The following IFT25 variants were observed in gnomAD, a reference collection of about 807,000 sequenced individuals.
The protein encoded by IFT25 is intraflagellar transport protein 25 homolog.
the IFT25 span, chr1:53,928,280 T>C: frequency 9.6e-7 from 1 of 1,040,090 alleles, no homozygotes. Flanking sequence ...AAGTCATCTT[T>C]TTTCACCAAA....
the IFT25 span, among the ~76,000 whole-genome samples, chr1:53,926,884 G>A: frequency 6.6e-6 from 1 of 151,836 alleles, no homozygotes; most frequent in Non-Finnish European, 1.5e-5. Flanking sequence ...CACCATCCCT[G>A]GCTAATTTTT....
chr1:53,935,592 T>C, the IFT25 span, among the ~76,000 whole-genome samples: 1 of 151,648 alleles, frequency 6.6e-6, no homozygotes, highest in Non-Finnish European at 1.5e-5. Flanking sequence ...AATATGTCAA[T>C]AAAGTTGTTA....
chr1:53,915,676 T>C, the IFT25 span, among the ~76,000 whole-genome samples: 1 of 152,126 alleles, frequency 6.6e-6, no homozygotes, highest in African/African-American at 2.4e-5. Context: ...GAAAGGCTTA[T>C]TGAGAAGGAA....
At chr1:53,933,573 T>A in the IFT25 span, among the ~76,000 whole-genome samples, 1 of 152,224 alleles carries the variant, frequency 6.6e-6, no homozygotes, top group African/African-American at 2.4e-5. Flanking sequence ...GTAGGATGCA[T>A]CTTCTTTCAT....
the IFT25 span, chr1:53,946,242 C>G: frequency 2.0e-5 from 3 of 152,052 alleles, no homozygotes; most frequent in Admixed American, 1.3e-4. Context: ...CCCACCTCTG[C>G]GAGTTCCAAA....
At chr1:53,946,053 T>A in the IFT25 span, 346 of 147,728 alleles carry the variant, frequency 2.3e-3, 1 homozygote, top group Non-Finnish European at 3.8e-3. Flanking sequence ...CCGCCCACAA[T>A]CGGCCCCGCC....
chr1:53,938,969 G>A, the IFT25 span, among the ~76,000 whole-genome samples: 2 of 151,326 alleles, frequency 1.3e-5, no homozygotes, highest in African/African-American at 4.9e-5. Context: ...AGCTACTCGG[G>A]AGGCTGAGGC....
the IFT25 span, among the ~76,000 whole-genome samples, chr1:53,929,194 C>G: frequency 6.6e-6 from 1 of 152,166 alleles, no homozygotes; most frequent in African/African-American, 2.4e-5. Flanking sequence ...GAAGGGAGAT[C>G]AGCCAATTTT....
chr1:53,935,653 A>G, the IFT25 span, among the ~76,000 whole-genome samples: 1 of 150,272 alleles, frequency 6.7e-6, no homozygotes, highest in East Asian at 1.9e-4. Context: ...TTTAAGAGAC[A>G]GGGTCTTGCT....
At chr1:53,924,027 AATATG>A in the IFT25 span, 2 of 863,936 alleles carry the variant, frequency 2.3e-6, no homozygotes, top group Non-Finnish European at 3.9e-6. Flanking sequence ...TGTTCAGCAA[AATATG>A]ATATCTGGTA....
At chr1:53,929,866 A>C in the IFT25 span, 1 of 1,091,498 alleles carries the variant, frequency 9.2e-7, no homozygotes, top group South Asian at 2.5e-5. Flanking sequence ...CCATCCTTTC[A>C]CCCCAGCAAT....
chr1:53,920,908 C>T, the IFT25 span, among the ~76,000 whole-genome samples: 1 of 152,232 alleles, frequency 6.6e-6, no homozygotes, highest in Non-Finnish European at 1.5e-5. Flanking sequence ...TGCGGTGGCT[C>T]ATGCCTGTAA....
chr1:53,920,940 A>C, the IFT25 span, among the ~76,000 whole-genome samples: 2 of 152,246 alleles, frequency 1.3e-5, no homozygotes, highest in Admixed American at 1.3e-4. Context: ...TGGGAGGCCA[A>C]GGTGGGCAGA....
chr1:53,914,869 AT>A, the IFT25 span, among the ~76,000 whole-genome samples: 1 of 152,240 alleles, frequency 6.6e-6, no homozygotes, highest in Admixed American at 6.5e-5. Flanking sequence ...ATAAAAAAAA[AT>A]CTGTATAAAT....
At chr1:53,923,336 G>A in the IFT25 span, among the ~76,000 whole-genome samples, 1 of 152,100 alleles carries the variant, frequency 6.6e-6, no homozygotes, top group Non-Finnish European at 1.5e-5. Flanking sequence ...CTAAAACCAG[G>A]GCCTGACCAA....
At chr1:53,931,882 T>G in the IFT25 span, among the ~76,000 whole-genome samples, 1 of 152,232 alleles carries the variant, frequency 6.6e-6, no homozygotes, top group Non-Finnish European at 1.5e-5. Context: ...TTCTATTTAC[T>G]TTGGGTTTAA....
At chr1:53,927,589 G>A in the IFT25 span, among the ~76,000 whole-genome samples, 4 of 152,280 alleles carry the variant, frequency 2.6e-5, no homozygotes, top group Middle Eastern at 3.4e-3. Flanking sequence ...TTTGTAGGAC[G>A]GAAGAAGGTA....
chr1:53,928,341 A>T, the IFT25 span: 1 of 1,542,156 alleles, frequency 6.5e-7, no homozygotes, highest in Non-Finnish European at 9.0e-7. Flanking sequence ...CTACTCCTTC[A>T]TGCTCAGAAC....
the IFT25 span, chr1:53,945,630 G>C: frequency 2.0e-5 from 3 of 151,688 alleles, no homozygotes; most frequent in African/African-American, 7.3e-5. Context: ...CACGCAGAGC[G>C]TCCCGACCCG....
Sources: allele counts gnomAD v4.1 joint callset (sites outside exome capture counted in the v4.1 genomes callset), GRCh38; gene constraint gnomAD v4.1.1; transcripts MANE v1.5; gene names NCBI Gene and HGNC (gene_info 2026-07-23, HGNC 2026-07-21).